PRKAR1A: variants seen among roughly 807,000 people sequenced by gnomAD.
The protein encoded by PRKAR1A is cAMP-dependent protein kinase type I-alpha regulatory subunit.
PRKAR1A carries 3 observed loss-of-function variants against 52.0 expected under a neutral mutation model. The ratio of observed to expected loss-of-function variants is 0.06; its 90% CI spans 0.03 to 0.15. The LOEUF is 0.15. Among genes scored for constraint, PRKAR1A ranks in the 10% least tolerant of loss-of-function variants. The pLI is 1.00. For missense variants in PRKAR1A, 240 were observed against 477.4 expected (o/e 0.50, Z 4.63); for synonymous variants, 188 against 168.4 (o/e 1.12, Z -0.90).
intron 11 of PRKAR1A, among the ~76,000 whole-genome samples, chr17:68,549,417 C>G (rs753074084): frequency 6.6e-6 from 1 of 151,614 alleles, no homozygotes; most frequent in Non-Finnish European, 1.5e-5. Flanking sequence ...TTGCTTGAAC[C>G]TGGGAGGCCG....
chr17:68,444,246 T>C, the PRKAR1A span, among the ~76,000 whole-genome samples: 1 of 152,176 alleles, frequency 6.6e-6, no homozygotes, highest in Non-Finnish European at 1.5e-5. Flanking sequence ...CATTTGCTGA[T>C]ATGGGTCCCA....
At chr17:68,435,899 G>A in the PRKAR1A span, among the ~76,000 whole-genome samples, 1 of 152,198 alleles carries the variant, frequency 6.6e-6, no homozygotes, top group African/African-American at 2.4e-5. Context: ...TGGCTTCAAG[G>A]GCCACTCCAT....
At chr17:68,437,012 A>G in the PRKAR1A span, among the ~76,000 whole-genome samples, 14,809 of 81,768 alleles carry the variant, frequency 0.18, 846 homozygotes, top group South Asian at 0.34. Flanking sequence ...AAAAATATAT[A>G]TATATGTGTG....
chr17:68,450,646 C>T, the PRKAR1A span: 1 of 1,499,502 alleles, frequency 6.7e-7, no homozygotes, highest in Non-Finnish European at 9.0e-7. Context: ...GTTTTACAGA[C>T]ATTGATCTTG....
chr17:68,499,736 C>A, the PRKAR1A span, among the ~76,000 whole-genome samples: 1 of 152,196 alleles, frequency 6.6e-6, no homozygotes, highest in African/African-American at 2.4e-5. Flanking sequence ...AAGATTGCCA[C>A]CGTGCTATAG....
Position 68,532,210 on chromosome 17 carries a change from TTAAAAA to T in PRKAR1A, c.*1763_*1768del, listed in dbSNP as rs1211390691. Reference sequence around the variant, plus strand: ...TAGCTACCTTTTTATATTTAAAAAATTAAAAATGAAAATTACGTTCTTACAAGCTTA... The same window carrying T: ...TAGCTACCTTTTTATATTTAAAAAATTGAAAATTACGTTCTTACAAGCTTA... On this transcript the variant is annotated 3_prime_UTR_variant, in exon 11 of 11. Coordinates refer to ENST00000589228, the MANE Select transcript of PRKAR1A (RefSeq NM_002734.5). The T allele has an allele frequency of 9.7e-7, 1 of 1,035,852 alleles. No homozygotes were observed. The allele number at this position is 1,035,852 out of a possible 1,614,324, so 64.2% of individuals were successfully genotyped here.
upstream of PRKAR1A, among the ~76,000 whole-genome samples, chr17:68,508,841 G>A (rs570756674): frequency 3.9e-5 from 6 of 152,182 alleles, no homozygotes; most frequent in African/African-American, 1.4e-4. Context: ...TAGTTTAAAT[G>A]AGCATTTGCC....
the PRKAR1A span, among the ~76,000 whole-genome samples, chr17:68,451,524 C>T: frequency 2.6e-5 from 4 of 152,220 alleles, no homozygotes; most frequent in Non-Finnish European, 4.4e-5. Context: ...GCAGAATCTC[C>T]CCTCCAGACC....
the PRKAR1A span, among the ~76,000 whole-genome samples, chr17:68,498,330 C>T: frequency 2.0e-5 from 3 of 152,166 alleles, no homozygotes; most frequent in Non-Finnish European, 2.9e-5. Flanking sequence ...CCCAAAAGCT[C>T]AATTTCTGCT....
chr17:68,517,495 C>G (rs1315568625), intron 2 of PRKAR1A, among the ~76,000 whole-genome samples: 1 of 152,178 alleles, frequency 6.6e-6, no homozygotes, highest in South Asian at 2.1e-4. Flanking sequence ...CACATGGCAG[C>G]AGCAAGGAGA....
chr17:68,455,736 C>T, the PRKAR1A span, among the ~76,000 whole-genome samples: 1 of 152,288 alleles, frequency 6.6e-6, no homozygotes, highest in Middle Eastern at 3.4e-3. Flanking sequence ...CATTCTTATT[C>T]AATTTCTGTA....
At chr17:68,481,981 T>C in the PRKAR1A span, among the ~76,000 whole-genome samples, 3 of 152,200 alleles carry the variant, frequency 2.0e-5, no homozygotes, top group African/African-American at 7.2e-5. Context: ...GCCCTACCTT[T>C]AAGGAGTTTA....
At position 68,528,890 on chromosome 17, in the gene PRKAR1A, C is replaced by T. The variant is rs2085877268; in HGVS notation, c.790C>T (p.Arg264Cys). ...TTCAGAGTCTCTGGACAAGTGGGAACGTCTTACGGTAGCTGATGCATTGGA... is the reference window on the plus strand; with the variant it reads ...TTCAGAGTCTCTGGACAAGTGGGAATGTCTTACGGTAGCTGATGCATTGGA... ...SILESLDKWE[R>C]LTVADALEPV... The change falls in exon 9 of 11, where the codon CGT becomes TGT. Residue 264 changes from arginine (R) to cysteine (C), a missense_variant. Physicochemically the swap from Arg to Cys is radical, Grantham distance 180. Transcript: ENST00000589228. The T allele has an allele frequency of 1.9e-6, 3 of 1,613,704 alleles. No homozygotes were observed. Among genetic ancestry groups the T allele is most frequent in the East Asian group, 2.2e-5 (1 of 44,888 alleles).
At chr17:68,523,201 C>CTCTTG (rs1180038842) in intron 3 of PRKAR1A, among the ~76,000 whole-genome samples, 2 of 152,136 alleles carry the variant, frequency 1.3e-5, no homozygotes, top group Admixed American at 6.5e-5. Context: ...ATTGCTTTTT[C>CTCTTG]TCTTGAATCG....
chr17:68,465,625 A>ATTTTTTTTTTTTTTTTTTT, the PRKAR1A span, among the ~76,000 whole-genome samples: 25 of 67,190 alleles, frequency 3.7e-4, 2 homozygotes, highest in Non-Finnish European at 4.7e-4. Context: ...ACGCCCAGCA[A>ATTTTTTTTTTTTTTTTTTT]TTTTTTTTTT....
intron 11 of PRKAR1A, among the ~76,000 whole-genome samples, chr17:68,544,707 T>TA (rs1263828908): frequency 1.7e-4 from 26 of 151,036 alleles, no homozygotes; most frequent in Non-Finnish European, 2.2e-4. Flanking sequence ...CAGCCACCGT[T>TA]ACAGCACAAC....
chr17:68,428,196 T>C, the PRKAR1A span: 1 of 151,242 alleles, frequency 6.6e-6, no homozygotes, highest in African/African-American at 2.4e-5. Flanking sequence ...ACATGACTGG[T>C]AGAGCACTTT....
chr17:68,435,468 A>T, the PRKAR1A span: 2 of 743,038 alleles, frequency 2.7e-6, no homozygotes, highest in East Asian at 2.5e-5. Context: ...CCACACATGC[A>T]GAGGCCAGAA....
chr17:68,436,625 G>T, the PRKAR1A span: 1 of 668,568 alleles, frequency 1.5e-6, no homozygotes, highest in Non-Finnish European at 2.5e-6. Flanking sequence ...TTCCGCTGAT[G>T]ATTCTTCTGA....
Sources: allele counts gnomAD v4.1 joint callset (sites outside exome capture counted in the v4.1 genomes callset), GRCh38; gene constraint gnomAD v4.1.1; transcripts MANE v1.5; gene names NCBI Gene and HGNC (gene_info 2026-07-23, HGNC 2026-07-21).